Variants in CHCHD6 observed in about 807,000 individuals in gnomAD.
CHCHD6 encodes coiled-coil-helix-coiled-coil-helix domain containing 6, also known as MICOS complex subunit MIC25.
In CHCHD6, 28 loss-of-function variants were observed where a neutral mutation model predicts 32.3. That is an observed-to-expected ratio of 0.87 (90% confidence interval 0.64 to 1.19). The LOEUF (loss-of-function observed/expected upper bound fraction) is 1.19, where lower values mean the gene tolerates loss of function less well. CHCHD6 is among the 50% of genes most tolerant of loss of function. The probability of loss-of-function intolerance (pLI) is 0.00; values close to 1 mark genes in which losing one functional copy is unlikely to be tolerated. For synonymous variants in CHCHD6, 122 were observed against 117.5 expected, an observed-to-expected ratio of 1.04 and a Z score of -0.25; for missense variants, 333 against 307.0, an observed-to-expected ratio of 1.08 and a Z score of -0.63.
At chr3:126,763,818 G>T (rs116423323) in intron 4 of CHCHD6, among the ~76,000 whole-genome samples, 1 of 152,316 alleles carries the variant, frequency 6.6e-6, no homozygotes, top group East Asian at 1.9e-4. Flanking sequence ...GGGAGAGGAA[G>T]TTGAGGAATT....
chr3:126,719,155 T>C (rs1392892636), intron 1 of CHCHD6, among the ~76,000 whole-genome samples: 2 of 152,196 alleles, frequency 1.3e-5, no homozygotes, highest in African/African-American at 4.8e-5. Context: ...TGCCTGCCCC[T>C]CTGGCTTGAT....
chr3:126,787,820 T>C (rs1025972894), intron 4 of CHCHD6, among the ~76,000 whole-genome samples: 7 of 152,174 alleles, frequency 4.6e-5, no homozygotes, highest in African/African-American at 1.4e-4. Context: ...CCTTTATTTC[T>C]TTCTCTTGCC....
intron 6 of CHCHD6, among the ~76,000 whole-genome samples, chr3:126,914,970 G>C (rs1186840699): frequency 6.6e-6 from 1 of 152,242 alleles, no homozygotes; most frequent in Non-Finnish European, 1.5e-5. Context: ...TGGCAAATTG[G>C]AGTGGTGCTA....
chr3:126,816,643 G>A (rs1939917565), intron 4 of CHCHD6, among the ~76,000 whole-genome samples: 2 of 152,186 alleles, frequency 1.3e-5, no homozygotes, highest in Non-Finnish European at 2.9e-5. Flanking sequence ...TGTACCTGCA[G>A]TGTTGGGGAG....
rs930240372 is a variant in CHCHD6, at chr3:126,831,574, T to C, written c.412-21073T>C. On this transcript the variant is annotated intron_variant, in intron 4 of 7. Transcript: ENST00000290913. ...ACACGCTTAAATTAACAGAGGTCTC[T>C]CCTGGGGCTGTAGGCGATCAGCCCC... Among the ~76,000 whole-genome samples the C allele has an allele frequency of 2.0e-5, 3 of 152,212 alleles. No individual in the cohort carries two copies. In the East Asian group the frequency reaches 5.8e-4, roughly 29 times the overall value.
At chr3:126,931,492 G>A (rs540023492) in intron 6 of CHCHD6, among the ~76,000 whole-genome samples, 9 of 152,226 alleles carry the variant, frequency 5.9e-5, no homozygotes, top group Non-Finnish European at 1.0e-4. Context: ...CTGTTTACAC[G>A]GTCTGTGCTC....
chr3:126,866,694 A>C (rs1942299597), intron 5 of CHCHD6, among the ~76,000 whole-genome samples: 1 of 152,216 alleles, frequency 6.6e-6, no homozygotes, highest in African/African-American at 2.4e-5. Context: ...GGAACAGTGC[A>C]CCGAGCCTTT....
chr3:126,834,242 A>G (rs1219160580), intron 4 of CHCHD6, among the ~76,000 whole-genome samples: 1 of 152,086 alleles, frequency 6.6e-6, no homozygotes, highest in Non-Finnish European at 1.5e-5. Context: ...GCTTTCATGA[A>G]GCCCCTGTAT....
chr3:126,828,588 C>A (rs926143725), intron 4 of CHCHD6, among the ~76,000 whole-genome samples: 6 of 152,196 alleles, frequency 3.9e-5, no homozygotes, highest in African/African-American at 1.4e-4. Flanking sequence ...GACAGGACAC[C>A]AGTGGTTTAT....
intron 5 of CHCHD6, among the ~76,000 whole-genome samples, chr3:126,898,506 A>G (rs992063720): frequency 3.9e-5 from 6 of 151,996 alleles, no homozygotes; most frequent in Non-Finnish European, 7.4e-5. Context: ...TTGGTGGTGA[A>G]TTTATTTATT....
chr3:126,891,410 C>T (rs533125580), intron 5 of CHCHD6, among the ~76,000 whole-genome samples: 4 of 152,024 alleles, frequency 2.6e-5, no homozygotes, highest in East Asian at 1.9e-4. Context: ...GGGGGATGGC[C>T]GGTGCACCAG....
chr3:126,956,675 G>A (rs1028015441), intron 6 of CHCHD6, among the ~76,000 whole-genome samples: 1 of 151,734 alleles, frequency 6.6e-6, no homozygotes, highest in Non-Finnish European at 1.5e-5. Context: ...CAGGAGGCTG[G>A]GCCAGTGACT....
At chr3:126,876,675 T>G (rs1003265571) in intron 5 of CHCHD6, among the ~76,000 whole-genome samples, 9 of 152,236 alleles carry the variant, frequency 5.9e-5, no homozygotes, top group Non-Finnish European at 1.3e-4. Flanking sequence ...TGGAATGAAC[T>G]TCACTGGAAA....
At chr3:126,874,468 T>C in intron 5 of CHCHD6, among the ~76,000 whole-genome samples, 1 of 152,142 alleles carries the variant, frequency 6.6e-6, no homozygotes, top group Admixed American at 6.5e-5. Context: ...AGCCTTGGGA[T>C]GGCACTCATC....
intron 4 of CHCHD6, among the ~76,000 whole-genome samples, chr3:126,799,797 G>A (rs1938978081): frequency 6.6e-6 from 1 of 152,136 alleles, no homozygotes; most frequent in African/African-American, 2.4e-5. Flanking sequence ...ACCACGGCCT[G>A]GAGAAAAAGA....
chr3:126,716,863 C>T (rs552637994), intron 1 of CHCHD6, among the ~76,000 whole-genome samples: 7 of 152,236 alleles, frequency 4.6e-5, no homozygotes, highest in African/African-American at 1.7e-4. Context: ...GAAATGCGTG[C>T]AGTCCCCTTT....
At chr3:126,706,128 C>T (rs142983490) in intron 1 of CHCHD6, among the ~76,000 whole-genome samples, 94 of 152,218 alleles carry the variant, frequency 6.2e-4, no homozygotes, top group African/African-American at 2.1e-3. Context: ...GATTTGGTCT[C>T]CTGTTTTGGG....
intron 1 of CHCHD6, among the ~76,000 whole-genome samples, chr3:126,712,550 G>A (rs1934799278): frequency 6.6e-6 from 1 of 152,162 alleles, no homozygotes; most frequent in African/African-American, 2.4e-5. Flanking sequence ...GTGCTGCACT[G>A]GAAGGCAGCC....
chr3:126,883,333 A>G (rs932886799), intron 5 of CHCHD6, among the ~76,000 whole-genome samples: 4 of 152,172 alleles, frequency 2.6e-5, no homozygotes, highest in East Asian at 1.9e-4. Context: ...TGTGACTGGT[A>G]TCTGAGGTGG....
Sources: allele counts gnomAD v4.1 joint callset (sites outside exome capture counted in the v4.1 genomes callset), GRCh38; gene constraint gnomAD v4.1.1; transcripts MANE v1.5; gene names NCBI Gene and HGNC (gene_info 2026-07-23, HGNC 2026-07-21).